Variants in NBEA observed in about 807,000 individuals in gnomAD.
NBEA encodes the protein neurobeachin.
A neutral mutation model predicts 343.4 loss-of-function variants in NBEA; 44 were observed. The observed-to-expected ratio is 0.13, with a 90% confidence interval of 0.10 to 0.16. The LOEUF is 0.16. Among genes scored for constraint, NBEA ranks in the 10% least tolerant of loss-of-function variants. The probability of loss-of-function intolerance (pLI) is 1.00; values close to 1 mark genes in which losing one functional copy is unlikely to be tolerated. For missense variants in NBEA, 2,555 were observed against 3,631.3 expected (o/e 0.70, Z 7.62); for synonymous variants, 1,175 against 1,238.7 (o/e 0.95, Z 1.08).
At chr13:35,109,168 T>C in intron 11 of NBEA, 122 bp from the exon 12 acceptor site, 14 of 848,538 alleles carry the variant, frequency 1.6e-5, no homozygotes, top group Non-Finnish European at 2.3e-5. Context: ...AGAAAACAAA[T>C]GTTTATTTCA....
chr13:35,548,614 T>G (rs545987303), intron 41 of NBEA, among the ~76,000 whole-genome samples: 24 of 152,320 alleles, frequency 1.6e-4, no homozygotes, highest in Admixed American at 5.2e-4. Context: ...CATAGTATTT[T>G]TAGTACCTTA....
At chr13:35,332,885 G>A (rs1478924975) in intron 36 of NBEA, among the ~76,000 whole-genome samples, 3 of 152,050 alleles carry the variant, frequency 2.0e-5, no homozygotes, top group South Asian at 2.1e-4. Context: ...AAAGTGTTAG[G>A]ACTCCTTCGT....
chr13:35,349,396 T>C (rs2040056049), intron 37 of NBEA, among the ~76,000 whole-genome samples, 180 bp downstream of exon 37: 1 of 152,146 alleles, frequency 6.6e-6, no homozygotes, highest in Non-Finnish European at 1.5e-5. Context: ...TCACCCCATT[T>C]ACAGCATGAA....
At chr13:34,980,451 C>CATTCATTT (rs2060319841) in intron 1 of NBEA, among the ~76,000 whole-genome samples, 1 of 147,492 alleles carries the variant, frequency 6.8e-6, no homozygotes, top group Non-Finnish European at 1.5e-5. Flanking sequence ...ATTTTTATTA[C>CATTCATTT]ATTTATTTAT....
At chr13:35,494,774 C>T (rs1052533736) in intron 41 of NBEA, among the ~76,000 whole-genome samples, 3 of 151,928 alleles carry the variant, frequency 2.0e-5, no homozygotes, top group East Asian at 1.9e-4. Context: ...CTTTGAGAGG[C>T]TGGGATGGAT....
intron 7 of NBEA, among the ~76,000 whole-genome samples, chr13:35,056,926 C>A (rs886699472): frequency 3.3e-5 from 5 of 151,982 alleles, no homozygotes; most frequent in African/African-American, 1.2e-4. Flanking sequence ...TCACTTAAAT[C>A]GCTTATTATA....
chr13:35,618,381 G>T (rs892637348), intron 48 of NBEA, among the ~76,000 whole-genome samples: 3 of 152,176 alleles, frequency 2.0e-5, no homozygotes, highest in Non-Finnish European at 2.9e-5. Flanking sequence ...TGATGCATTT[G>T]TAGCAGACTT....
chr13:35,324,951 TCATTATCTAATGAAG>T (rs956144338), intron 36 of NBEA, among the ~76,000 whole-genome samples: 1 of 152,132 alleles, frequency 6.6e-6, no homozygotes, highest in African/African-American at 2.4e-5. Context: ...CTTTTGAGTT[TCATTATCTAATGAAG>T]CAAATGTGGT....
intron 1 of NBEA, among the ~76,000 whole-genome samples, chr13:35,031,830 T>C (rs1438353304): frequency 6.6e-6 from 1 of 151,714 alleles, no homozygotes; most frequent in Non-Finnish European, 1.5e-5. Context: ...ACCCAGTGTC[T>C]GTTGTTTCCT....
At chr13:35,473,166 T>C (rs1454750217) in intron 41 of NBEA, among the ~76,000 whole-genome samples, 1 of 152,202 alleles carries the variant, frequency 6.6e-6, no homozygotes, top group African/African-American at 2.4e-5. Context: ...TGCATATTTA[T>C]TAAATGTTAT....
chr13:35,638,097 C>A (rs928974351), intron 49 of NBEA, among the ~76,000 whole-genome samples: 3 of 152,072 alleles, frequency 2.0e-5, no homozygotes, highest in African/African-American at 4.8e-5. Context: ...GGAATAGTGA[C>A]CCCCAGGGAC....
At chr13:35,570,318 G>A (rs1263143873) in intron 45 of NBEA, among the ~76,000 whole-genome samples, 1 of 152,226 alleles carries the variant, frequency 6.6e-6, no homozygotes, top group African/African-American at 2.4e-5. Context: ...ACAGGCGTGA[G>A]CCACCACGCC....
At chr13:35,308,454 A>ATATATATATATATATATATATATATG (rs1566596883) in intron 35 of NBEA, among the ~76,000 whole-genome samples, 15 of 117,086 alleles carry the variant, frequency 1.3e-4, no homozygotes, top group African/African-American at 5.8e-4. Context: ...ATATATATAT[A>ATATATATATATATATATATATATATG]TATATATATA....
intron 1 of NBEA, among the ~76,000 whole-genome samples, chr13:34,947,605 G>A (rs1194240251): frequency 3.9e-5 from 6 of 152,064 alleles, no homozygotes; most frequent in Non-Finnish European, 7.4e-5. Flanking sequence ...TCACCCTGTA[G>A]CATTGCAGTT....
intron 1 of NBEA, among the ~76,000 whole-genome samples, chr13:34,970,345 G>A (rs1249568912): frequency 2.0e-5 from 3 of 152,020 alleles, no homozygotes; most frequent in Non-Finnish European, 4.4e-5. Flanking sequence ...CATTCCGTAG[G>A]TTGTCTGTTT....
At chr13:35,128,631 G>T (rs1009192222) in intron 17 of NBEA, among the ~76,000 whole-genome samples, 12 of 152,020 alleles carry the variant, frequency 7.9e-5, no homozygotes, top group African/African-American at 2.7e-4. Flanking sequence ...TACCTGCAGG[G>T]ATCTCATCAT....
rs192188101 is a variant in NBEA, at chr13:35,551,255, A to G, written c.6806+223A>G. Among the ~76,000 whole-genome samples, 169 of 152,296 alleles carry G rather than the reference A, an allele frequency of 1.1e-3. 2 individuals carry two copies. The highest frequency in any genetic ancestry group is 1.5e-4 in the Non-Finnish European group (10 of 68,000). ...ATTTAATACATATAAATAACAAAGT[A>G]AAAAACTTGATTGCTTATCACATAG... On this transcript the variant is annotated intron_variant, in intron 43 of 58. Coordinates refer to ENST00000379939, the MANE Select transcript of NBEA (RefSeq NM_001385012.1).
intron 40 of NBEA, 142 bp from the exon 41 acceptor site, chr13:35,472,258 C>G: frequency 1.3e-6 from 1 of 787,672 alleles, no homozygotes; most frequent in Non-Finnish European, 1.9e-6. Flanking sequence ...CCTTATCTTA[C>G]GTGAAAAAAG....
intron 49 of NBEA, among the ~76,000 whole-genome samples, chr13:35,631,636 T>C (rs9788305): frequency 0.28 from 24,864 of 89,144 alleles, 2,784 homozygotes; most frequent in East Asian, 0.52. Flanking sequence ...ATGTCTCCTT[T>C]GTAAAAAAAA....
Sources: allele counts gnomAD v4.1 joint callset (sites outside exome capture counted in the v4.1 genomes callset), GRCh38; gene constraint gnomAD v4.1.1; transcripts MANE v1.5; gene names NCBI Gene and HGNC (gene_info 2026-07-23, HGNC 2026-07-21).